Variants in MSRB3 observed in about 807,000 individuals in gnomAD.
The protein encoded by MSRB3 is methionine sulfoxide reductase B3, also known as methionine-R-sulfoxide reductase B3.
In MSRB3, 13 loss-of-function variants were observed where a neutral mutation model predicts 21.0. The observed-to-expected ratio is 0.62, with a 90% CI of 0.40 to 0.98. The LOEUF (loss-of-function observed/expected upper bound fraction) is 0.98, where lower values mean the gene tolerates loss of function less well. Ranked by LOEUF, MSRB3 falls within the 50% of genes least tolerant of loss-of-function variation. The pLI, the probability that MSRB3 is intolerant of heterozygous loss-of-function variation, is 0.00. For missense variants in MSRB3, 199 were observed against 230.3 expected (o/e 0.86, Z 0.88); for synonymous variants, 87 against 88.6 (o/e 0.98, Z 0.10).
chr12:65,363,912 G>A (rs186033587), intron 4 of MSRB3, among the ~76,000 whole-genome samples: 1 of 152,278 alleles, frequency 6.6e-6, no homozygotes, highest in Non-Finnish European at 1.5e-5. Context: ...CTTGAACCCG[G>A]GAGGTGGAGG....
chr12:65,345,947 G>GT (rs1271508671), intron 4 of MSRB3, among the ~76,000 whole-genome samples: 2 of 152,128 alleles, frequency 1.3e-5, no homozygotes, highest in Non-Finnish European at 2.9e-5. Context: ...ATTCCATGGT[G>GT]TATATATGTG....
chr12:65,449,310 G>T (rs1474173456), intron 5 of MSRB3, among the ~76,000 whole-genome samples: 1 of 151,776 alleles, frequency 6.6e-6, no homozygotes, highest in Non-Finnish European at 1.5e-5. Context: ...AAATAATTTG[G>T]CAAGAGTCAG....
intron 5 of MSRB3, among the ~76,000 whole-genome samples, chr12:65,373,672 AG>A (rs2136542705): frequency 6.6e-6 from 1 of 152,280 alleles, no homozygotes; most frequent in South Asian, 2.1e-4. Context: ...CGAATTATGG[AG>A]GATTAAGAAA....
chr12:65,413,243 A>G (rs912133561), intron 5 of MSRB3, among the ~76,000 whole-genome samples: 1 of 152,192 alleles, frequency 6.6e-6, no homozygotes, highest in Non-Finnish European at 1.5e-5. Context: ...TTAAGCTACC[A>G]GTGTTTAGTG....
intron 4 of MSRB3, chr12:65,344,328 C>T (rs897930358): frequency 5.9e-5 from 9 of 151,700 alleles, no homozygotes; most frequent in East Asian, 2.0e-4. Flanking sequence ...TGGTTATTGC[C>T]GATTGGTGTT....
intron 1 of MSRB3, among the ~76,000 whole-genome samples, chr12:65,295,780 C>A (rs1216538393): frequency 6.6e-6 from 1 of 152,064 alleles, no homozygotes; most frequent in Non-Finnish European, 1.5e-5. Flanking sequence ...ATGTTGCTAG[C>A]ATTCTATAAG....
At chr12:65,279,235 G>T (rs1394840099) in intron 1 of MSRB3, 3 of 320,552 alleles carry the variant, frequency 9.4e-6, no homozygotes, top group Non-Finnish European at 1.1e-5. Context: ...CAGGGGAGGG[G>T]TCCATCCCGG....
chr12:65,291,912 A>G (rs767991957), intron 1 of MSRB3, among the ~76,000 whole-genome samples: 3 of 152,206 alleles, frequency 2.0e-5, no homozygotes, highest in Admixed American at 6.5e-5. Flanking sequence ...TTTTAAAATA[A>G]TAACTCCAGC....
At chr12:65,308,756 C>G in intron 2 of MSRB3, 101 bp downstream of exon 2, 2 of 1,543,378 alleles carry the variant, frequency 1.3e-6, no homozygotes, top group East Asian at 2.3e-5. Context: ...ATTTCATTTT[C>G]TTTTACTTGG....
Position 65,337,278 on chromosome 12 carries a change from C to A in MSRB3, c.263+8675C>A, listed in dbSNP as rs142942677. On this transcript the variant is annotated intron_variant, in intron 4 of 6. Coordinates refer to ENST00000308259, the MANE Select transcript of MSRB3 (RefSeq NM_001031679.3). ...AAAAACAAAACAAAACAAAAAAAAA[C>A]CAAAAATCAGCTGGGCATGGTGATG... Among the ~76,000 whole-genome samples, 345 of 146,030 alleles carry A rather than the reference C, an allele frequency of 2.4e-3. 7 individuals carry two copies. The highest frequency in any genetic ancestry group is 0.021 in the East Asian group (108 of 5,126).
At chr12:65,396,383 A>G (rs980171856) in intron 5 of MSRB3, among the ~76,000 whole-genome samples, 1 of 152,202 alleles carries the variant, frequency 6.6e-6, no homozygotes, top group Admixed American at 6.5e-5. Flanking sequence ...TTCTATTTTT[A>G]AAAATTAGTT....
chr12:65,442,299 A>G (rs976755095), intron 5 of MSRB3, among the ~76,000 whole-genome samples: 2 of 152,032 alleles, frequency 1.3e-5, no homozygotes, highest in African/African-American at 2.4e-5. Flanking sequence ...CATCAGGTAC[A>G]TATATTTATG....
intron 5 of MSRB3, among the ~76,000 whole-genome samples, chr12:65,435,896 A>AT (rs1004019445): frequency 6.6e-6 from 1 of 151,880 alleles, no homozygotes; most frequent in Admixed American, 6.6e-5. Flanking sequence ...TATTTTGTCC[A>AT]TTTTTTCAAT....
intron 5 of MSRB3, among the ~76,000 whole-genome samples, chr12:65,394,097 T>C (rs962964892): frequency 6.6e-6 from 1 of 152,138 alleles, no homozygotes; most frequent in African/African-American, 2.4e-5. Flanking sequence ...ATGAAACCAT[T>C]TATATAAAAC....
At chr12:65,418,763 CT>C in intron 5 of MSRB3, 1 of 953,644 alleles carries the variant, frequency 1.0e-6, no homozygotes, top group Non-Finnish European at 1.7e-6. Flanking sequence ...TCAGACACCA[CT>C]TTGCCATCCA....
intron 1 of MSRB3, chr12:65,286,535 G>C (rs922790995): frequency 6.6e-6 from 1 of 152,074 alleles, no homozygotes; most frequent in African/African-American, 2.4e-5. Context: ...TTGCATGTGA[G>C]TATACACCTA....
chr12:65,294,854 C>G (rs1872864355), intron 1 of MSRB3, among the ~76,000 whole-genome samples: 1 of 152,030 alleles, frequency 6.6e-6, no homozygotes, highest in Admixed American at 6.6e-5. Context: ...GAGACAAGGT[C>G]TCTGTTGCCC....
At chr12:65,392,717 A>G (rs923983133) in intron 5 of MSRB3, among the ~76,000 whole-genome samples, 3 of 152,140 alleles carry the variant, frequency 2.0e-5, no homozygotes, top group Non-Finnish European at 4.4e-5. Flanking sequence ...GCGAGCGTGT[A>G]AATTTGGCTG....
chr12:65,309,148 G>A (rs983202545), intron 2 of MSRB3, among the ~76,000 whole-genome samples: 2 of 152,050 alleles, frequency 1.3e-5, no homozygotes, highest in East Asian at 1.9e-4. Flanking sequence ...CTTAACAATG[G>A]CCAAATAAAC....
Sources: allele counts gnomAD v4.1 joint callset (sites outside exome capture counted in the v4.1 genomes callset), GRCh38; gene constraint gnomAD v4.1.1; transcripts MANE v1.5; gene names NCBI Gene and HGNC (gene_info 2026-07-23, HGNC 2026-07-21).